The following CPED1 variants were observed in gnomAD, a reference collection of about 807,000 sequenced individuals.
The protein encoded by CPED1 is cadherin like and PC-esterase domain containing 1.
CPED1 carries 114 observed loss-of-function variants against 128.2 expected under a neutral mutation model. The observed-to-expected ratio is 0.89, with a 90% CI of 0.76 to 1.04. The LOEUF is 1.04. Ranked by LOEUF, CPED1 falls within the 50% of genes least tolerant of loss-of-function variation. The pLI is 0.00. For missense variants in CPED1, 1,211 were observed against 1,207.1 expected, an observed-to-expected ratio of 1.00 and a Z score of -0.05; for synonymous variants, 462 against 426.7, an observed-to-expected ratio of 1.08 and a Z score of -1.02.
intron 9 of CPED1, among the ~76,000 whole-genome samples, chr7:121,126,759 A>G (rs1451244408): frequency 6.6e-6 from 1 of 152,090 alleles, no homozygotes; most frequent in Non-Finnish European, 1.5e-5. Context: ...AATAGTTTGT[A>G]TTATGCTTTT....
At chr7:121,249,073 A>G (rs1462566331) in intron 18 of CPED1, among the ~76,000 whole-genome samples, 1 of 152,182 alleles carries the variant, frequency 6.6e-6, no homozygotes, top group Non-Finnish European at 1.5e-5. Context: ...GGCTGAGGAA[A>G]GACTCTCCAA....
At chr7:121,227,853 T>C (rs1046740430) in intron 16 of CPED1, among the ~76,000 whole-genome samples, 3 of 152,102 alleles carry the variant, frequency 2.0e-5, no homozygotes, top group African/African-American at 7.2e-5. Flanking sequence ...GACAAATCTA[T>C]ACTAGTTGTG....
chr7:121,145,406 T>A (rs1796002961), intron 16 of CPED1, among the ~76,000 whole-genome samples: 1 of 152,114 alleles, frequency 6.6e-6, no homozygotes, highest in Non-Finnish European at 1.5e-5. Flanking sequence ...TGGTAATTTA[T>A]AAGAATCCTT....
At chr7:121,283,815 C>T (rs1271955075) in intron 22 of CPED1, among the ~76,000 whole-genome samples, 1 of 152,206 alleles carries the variant, frequency 6.6e-6, no homozygotes, top group African/African-American at 2.4e-5. Context: ...TACATGCCCT[C>T]ATGGTCCCAA....
intron 18 of CPED1, 43 bp downstream of exon 18, chr7:121,244,381 C>T (rs1798475252): frequency 6.2e-7 from 1 of 1,606,982 alleles, no homozygotes; most frequent in Non-Finnish European, 8.5e-7. Flanking sequence ...ATGTATGCCA[C>T]CTGAAGTACT....
chr7:121,140,016 C>T (rs1795865963), intron 14 of CPED1, among the ~76,000 whole-genome samples: 1 of 151,970 alleles, frequency 6.6e-6, no homozygotes. Flanking sequence ...CTTTGTTAAG[C>T]TTTTGGGTAA....
At chr7:121,250,157 A>T (rs1798636626) in intron 18 of CPED1, among the ~76,000 whole-genome samples, 1 of 152,242 alleles carries the variant, frequency 6.6e-6, no homozygotes. Context: ...AGAACTCAGG[A>T]TTAAGAAACT....
intron 7 of CPED1, among the ~76,000 whole-genome samples, chr7:121,115,919 T>G (rs975538724): frequency 7.2e-5 from 11 of 152,230 alleles, no homozygotes; most frequent in African/African-American, 2.4e-4. Flanking sequence ...TCTTTGCTGT[T>G]AAATCTCTCT....
intron 3 of CPED1, among the ~76,000 whole-genome samples, chr7:121,028,850 A>G (rs1792661569): frequency 6.6e-6 from 1 of 152,196 alleles, no homozygotes; most frequent in Admixed American, 6.5e-5. Flanking sequence ...AATGAGAGGG[A>G]TTACCTGTAA....
intron 12 of CPED1, among the ~76,000 whole-genome samples, chr7:121,132,858 G>A (rs929542854): frequency 3.3e-5 from 5 of 151,974 alleles, no homozygotes; most frequent in African/African-American, 1.2e-4. Context: ...GGAATAAACA[G>A]TTTTTAAAAT....
intron 5 of CPED1, among the ~76,000 whole-genome samples, chr7:121,064,668 T>C (rs1793780086): frequency 6.6e-6 from 1 of 152,218 alleles, no homozygotes; most frequent in African/African-American, 2.4e-5. Flanking sequence ...TATATATTTC[T>C]TTATGATTAA....
chr7:121,280,447 A>T (rs537095202), intron 22 of CPED1, among the ~76,000 whole-genome samples: 2 of 152,206 alleles, frequency 1.3e-5, no homozygotes, highest in Non-Finnish European at 2.9e-5. Context: ...GTCCAAGGGC[A>T]GGAGTTACAA....
intron 16 of CPED1, among the ~76,000 whole-genome samples, chr7:121,190,136 G>A (rs1185168931): frequency 6.6e-6 from 1 of 151,878 alleles, no homozygotes; most frequent in Non-Finnish European, 1.5e-5. Flanking sequence ...GAATGAGAAG[G>A]GACACTATTG....
intron 2 of CPED1, among the ~76,000 whole-genome samples, chr7:120,992,976 G>C (rs1200503601): frequency 6.6e-6 from 1 of 152,176 alleles, no homozygotes; most frequent in African/African-American, 2.4e-5. Flanking sequence ...TCCATAGTGA[G>C]GAAGTACTCT....
intron 16 of CPED1, among the ~76,000 whole-genome samples, chr7:121,213,721 A>G (rs1297614825): frequency 6.6e-6 from 1 of 152,060 alleles, no homozygotes; most frequent in East Asian, 1.9e-4. Flanking sequence ...GCACCAAAAT[A>G]TGACTATCAA....
intron 5 of CPED1, among the ~76,000 whole-genome samples, chr7:121,077,510 A>G (rs1794161112): frequency 6.6e-6 from 1 of 152,082 alleles, no homozygotes; most frequent in Non-Finnish European, 1.5e-5. Flanking sequence ...ATGCTACATA[A>G]TTCAAGTGTG....
In CPED1 at chr7:121,276,492, G is replaced by A. The variant is rs144407391; in HGVS notation, c.2868+5062G>A. ...GTAGTAATATAAAAATAAATATGACGTACTCTATGCCCTCAGGACATTGCA... is the reference window on the plus strand; with the variant it reads ...GTAGTAATATAAAAATAAATATGACATACTCTATGCCCTCAGGACATTGCA... On this transcript the variant is annotated intron_variant, in intron 22 of 22. Transcript: ENST00000310396. Among the ~76,000 whole-genome samples, 150 of 152,108 alleles carry A rather than the reference G, an allele frequency of 9.9e-4. 1 individual carries two copies. Among genetic ancestry groups the A allele is most frequent in the African/African-American group, 3.4e-3 (142 of 41,496 alleles).
At chr7:121,158,604 T>A (rs573790853) in intron 16 of CPED1, among the ~76,000 whole-genome samples, 29 of 151,930 alleles carry the variant, frequency 1.9e-4, no homozygotes, top group South Asian at 6.2e-4. Context: ...ATTAAAAAAA[T>A]TTTTATATTT....
chr7:121,041,680 A>G (rs1265044594), intron 3 of CPED1, among the ~76,000 whole-genome samples: 1 of 152,162 alleles, frequency 6.6e-6, no homozygotes, highest in Non-Finnish European at 1.5e-5. Context: ...GAAATATTCT[A>G]AAGGCAGCTT....
Sources: allele counts gnomAD v4.1 joint callset (sites outside exome capture counted in the v4.1 genomes callset), GRCh38; gene constraint gnomAD v4.1.1; transcripts MANE v1.5; gene names NCBI Gene and HGNC (gene_info 2026-07-23, HGNC 2026-07-21).